Variants in PDGFD observed in about 807,000 individuals in gnomAD.
PDGFD encodes platelet derived growth factor D, also known as platelet-derived growth factor D.
PDGFD carries 30 observed loss-of-function variants against 44.7 expected under a neutral mutation model. That is an observed-to-expected ratio of 0.67 (90% confidence interval 0.50 to 0.91). The LOEUF (loss-of-function observed/expected upper bound fraction) is 0.91, where lower values mean the gene tolerates loss of function less well. Ranked by LOEUF, PDGFD falls within the 40% of genes least tolerant of loss-of-function variation. The pLI is 0.00. For missense variants in PDGFD, 445 were observed against 457.8 expected (o/e 0.97, Z 0.25); for synonymous variants, 173 against 168.4 (o/e 1.03, Z -0.21).
intron 6 of PDGFD, among the ~76,000 whole-genome samples, chr11:103,926,269 T>A (rs1241090366): frequency 1.3e-5 from 2 of 152,206 alleles, no homozygotes; most frequent in Non-Finnish European, 2.9e-5. Flanking sequence ...TTACAATAGT[T>A]TTTGTCAAGC....
At chr11:103,913,873 C>T (rs537808011) in intron 6 of PDGFD, among the ~76,000 whole-genome samples, 2 of 152,274 alleles carry the variant, frequency 1.3e-5, no homozygotes, top group South Asian at 4.1e-4. Flanking sequence ...ATAAACACCT[C>T]TATGCAAATA....
chr11:104,061,048 T>C (rs1040733387), intron 1 of PDGFD, among the ~76,000 whole-genome samples: 6 of 152,156 alleles, frequency 3.9e-5, no homozygotes, highest in Non-Finnish European at 7.3e-5. Context: ...ATCTACTTTC[T>C]CCGTCTATGA....
At chr11:104,084,009 T>C (rs934131750) in intron 1 of PDGFD, among the ~76,000 whole-genome samples, 1 of 152,194 alleles carries the variant, frequency 6.6e-6, no homozygotes, top group African/African-American at 2.4e-5. Context: ...AACTCCTTTA[T>C]AGATTTAAAG....
chr11:104,031,345 C>T (rs1239490025), intron 1 of PDGFD, among the ~76,000 whole-genome samples: 2 of 152,280 alleles, frequency 1.3e-5, no homozygotes, highest in Non-Finnish European at 2.9e-5. Flanking sequence ...TGAACAGACA[C>T]TTCTCAAAAG....
intron 1 of PDGFD, 38 bp downstream of exon 1, chr11:104,163,765 GA>G (rs1862423535): frequency 1.3e-6 from 2 of 1,498,792 alleles, no homozygotes; most frequent in Non-Finnish European, 1.8e-6. Flanking sequence ...TAGCAAACAT[GA>G]TTTTTTTTTC....
At chr11:104,112,990 C>T (rs1861582088) in intron 1 of PDGFD, among the ~76,000 whole-genome samples, 1 of 151,848 alleles carries the variant, frequency 6.6e-6, no homozygotes, top group Non-Finnish European at 1.5e-5. Context: ...TACATGTTTA[C>T]CTATGTAATA....
intron 1 of PDGFD, among the ~76,000 whole-genome samples, chr11:104,140,254 C>A (rs957665627): frequency 6.6e-6 from 1 of 152,018 alleles, no homozygotes; most frequent in Non-Finnish European, 1.5e-5. Flanking sequence ...TCAGTCATTA[C>A]CATAAAACAA....
chr11:103,979,187 T>C (rs1859227225), intron 3 of PDGFD, among the ~76,000 whole-genome samples: 1 of 152,082 alleles, frequency 6.6e-6, no homozygotes, highest in South Asian at 2.1e-4. Flanking sequence ...CCTGAAGTCT[T>C]TGGCCAAATT....
At chr11:104,058,658 C>T (rs779005533) in intron 1 of PDGFD, among the ~76,000 whole-genome samples, 2 of 152,160 alleles carry the variant, frequency 1.3e-5, no homozygotes, top group Non-Finnish European at 2.9e-5. Flanking sequence ...GAAATAACAA[C>T]ACAGAGCTAT....
intron 1 of PDGFD, among the ~76,000 whole-genome samples, chr11:104,086,322 A>G (rs779281223): frequency 1.3e-5 from 2 of 152,210 alleles, no homozygotes; most frequent in Non-Finnish European, 2.9e-5. Flanking sequence ...GCCTGGAGGA[A>G]CAGCATGTTT....
At chr11:104,141,645 G>A (rs1434468097) in intron 1 of PDGFD, among the ~76,000 whole-genome samples, 3 of 152,116 alleles carry the variant, frequency 2.0e-5, no homozygotes, top group Non-Finnish European at 1.5e-5. Context: ...AAGAGCTTAT[G>A]TATTATCCAT....
intron 1 of PDGFD, among the ~76,000 whole-genome samples, chr11:104,090,311 C>T (rs1251874155): frequency 1.3e-5 from 2 of 150,478 alleles, no homozygotes; most frequent in African/African-American, 4.8e-5. Context: ...TCTTTTAGTG[C>T]TTGGTAAATG....
At chr11:104,029,393 G>C (rs1049538278) in intron 1 of PDGFD, among the ~76,000 whole-genome samples, 1 of 152,118 alleles carries the variant, frequency 6.6e-6, no homozygotes, top group Non-Finnish European at 1.5e-5. Context: ...AAATTCTATA[G>C]ACAGATGGGC....
At chr11:103,984,581 C>T (rs185059901) in intron 3 of PDGFD, among the ~76,000 whole-genome samples, 79 of 151,210 alleles carry the variant, frequency 5.2e-4, no homozygotes, top group Non-Finnish European at 9.3e-4. Flanking sequence ...AAGAAATGTG[C>T]CAAAATATTC....
chr11:104,119,099 A>G lies in PDGFD; in HGVS notation c.124+44705T>C, dbSNP rs1212779618. ...ATAATATATAATATATTGATATAAT[A>G]TATAATATATTAATATAATATATTG... On this transcript the variant is annotated intron_variant, in intron 1 of 6. Coordinates refer to ENST00000393158, the MANE Select transcript of PDGFD (RefSeq NM_025208.5). Among the ~76,000 whole-genome samples the G allele has an allele frequency of 4.8e-4, 26 of 54,452 alleles. 1 individual carries two copies. Among genetic ancestry groups the G allele is most frequent in the Non-Finnish European group, 6.9e-4 (21 of 30,590 alleles). The allele number at this position is 54,452 out of a possible 152,430, so 35.7% of individuals were successfully genotyped here. A position where few individuals can be genotyped will look rare whatever the true frequency, so the allele number is the denominator to read the frequency against.
chr11:104,161,950 A>AGAGT (rs142168784), intron 1 of PDGFD, among the ~76,000 whole-genome samples: 3 of 149,016 alleles, frequency 2.0e-5, no homozygotes, highest in Admixed American at 6.7e-5. Context: ...AATCAAAGAG[A>AGAGT]GTGTGTGTGT....
intron 2 of PDGFD, among the ~76,000 whole-genome samples, chr11:103,997,356 G>T (rs1361739083): frequency 1.3e-5 from 2 of 152,082 alleles, no homozygotes; most frequent in Non-Finnish European, 2.9e-5. Context: ...AACCAATATG[G>T]CCTTCCTGGT....
chr11:103,998,359 C>A (rs1485469040), intron 2 of PDGFD, among the ~76,000 whole-genome samples: 1 of 152,154 alleles, frequency 6.6e-6, no homozygotes, highest in Admixed American at 6.5e-5. Context: ...TTTGGCTCCA[C>A]CCCTAGACCT....
chr11:104,097,401 T>C (rs1051636184), intron 1 of PDGFD, among the ~76,000 whole-genome samples: 1 of 152,192 alleles, frequency 6.6e-6, no homozygotes, highest in African/African-American at 2.4e-5. Flanking sequence ...AGCATTTTCA[T>C]ACTAACTAGA....
Sources: gnomAD v4.1 joint callset for allele counts (sites outside exome capture counted in the v4.1 genomes callset) on GRCh38, gnomAD v4.1.1 for gene constraint, MANE v1.5 for transcripts, NCBI Gene and HGNC (gene_info 2026-07-23, HGNC 2026-07-21) for gene names.